ZNF646: variants seen among roughly 807,000 people sequenced by gnomAD.
The protein encoded by ZNF646 is zinc finger protein 646.
A neutral mutation model predicts 115.4 loss-of-function variants in ZNF646; 49 were observed. That is an observed-to-expected ratio of 0.42 (90% CI 0.34 to 0.54). ZNF646 has a LOEUF of 0.54. ZNF646 is among the 20% of genes least tolerant of loss of function. The pLI, the probability that ZNF646 is intolerant of heterozygous loss-of-function variation, is 0.04. For missense variants in ZNF646, 2,269 were observed against 2,457.9 expected (o/e 0.92, Z 1.62); for synonymous variants, 933 against 939.0 (o/e 0.99, Z 0.12).
rs765730146 is a variant in ZNF646 at position 31,076,578 on chromosome 16, C to T, written c.254C>T (p.Ser85Phe). The change falls in exon 2 of 3, where the codon TCC becomes TTC. Residue 85 changes from serine to phenylalanine, a missense_variant. Physicochemically the swap from Ser to Phe is radical, Grantham distance 155. Transcript: ENST00000300850. ...FPCTTCGKDF[S>F]NPMALKSHMR... ...TGTACCACCTGTGGCAAGGACTTCT[C>T]CAATCCCATGGCTCTCAAGAGCCAT... The T allele has an allele frequency of 2.5e-6, 4 of 1,612,468 alleles. No individual in the cohort carries two copies. Among genetic ancestry groups the T allele is most frequent in the Admixed American group, 3.3e-5 (2 of 59,958 alleles).
At position 31,079,748 on chromosome 16, in the gene ZNF646, G is replaced by A. The variant is rs748704096; in HGVS notation, c.3424G>A (p.Glu1142Lys). Residue 1142 changes from glutamate to lysine, a missense_variant, in exon 2 of 3, where the codon GAG becomes AAG. By Grantham distance (56) the Glu-to-Lys change is moderately conservative (BLOSUM62 1). Coordinates refer to ENST00000300850, the MANE Select transcript of ZNF646 (RefSeq NM_014699.4). The surrounding 1 kb of genome is among the most constrained non-coding windows in gnomAD (Gnocchi z 5.5). ...GSNKPQHMAEEGPGQAEVEKL... is the reference protein window; with the variant it reads ...GSNKPQHMAEKGPGQAEVEKL... ...CAACAAGCCCCAGCACATGGCAGAG[G>A]AGGGGCCGGGGCAAGCAGAAGTCGA... 6.2e-6 allele frequency: 10 copies of A among 1,613,522 alleles called. No homozygotes were observed. The highest frequency in any genetic ancestry group is 8.5e-6 in the Non-Finnish European group (10 of 1,179,996).
chr16:31,080,644 T>G lies in ZNF646; in HGVS notation c.4320T>G (p.Ser1440Arg), dbSNP rs200557895. The G allele has an allele frequency of 4.3e-5, 70 of 1,613,838 alleles. No homozygotes were observed. Among genetic ancestry groups the G allele is most frequent in the African/African-American group, 4.0e-5 (3 of 74,892 alleles). The change falls in exon 2 of 3, where the codon AGT (serine) becomes AGG (arginine). Residue 1440 changes from serine to arginine, a missense_variant. Around this residue, in one of 5 missense-constraint regions of ZNF646, gnomAD observed 1,062 missense variants for 1,172.8 expected, o/e 0.91. Transcript: ENST00000300850. ...EDGVPRPGERSQSPIRAASSE... is the reference protein window; with the variant it reads ...EDGVPRPGERRQSPIRAASSE... ...GAGTCCCAAGGCCAGGGGAGCGCAGTCAGAGCCCCATCAGGGCAGCAAGCT... is the reference window on the plus strand; with the variant it reads ...GAGTCCCAAGGCCAGGGGAGCGCAGGCAGAGCCCCATCAGGGCAGCAAGCT...
chr16:31,080,110 G>A lies in ZNF646; in HGVS notation c.3786G>A (p.Glu1262=), dbSNP rs1168759799. Residue 1262 remains glutamate, a synonymous_variant, in exon 2 of 3, where the codon GAG becomes GAA. Coordinates refer to ENST00000300850, the MANE Select transcript of ZNF646 (RefSeq NM_014699.4). ...ATCCCCGACGTTTCCGCTGCAGCGAGTGTGGGAAGGCCTTCCGCCTGCGGA... is the reference window on the plus strand; with the variant it reads ...ATCCCCGACGTTTCCGCTGCAGCGAATGTGGGAAGGCCTTCCGCCTGCGGA... The part of the protein sequence containing the change: ...HADPRRFRCS[E]CGKAFRLRKQ... The A allele has an allele frequency of 6.2e-7, 1 of 1,613,176 alleles. No homozygotes were observed. Among genetic ancestry groups the A allele is most frequent in the African/African-American group, 1.3e-5 (1 of 75,052 alleles).
chr16:31,077,112 T>C lies in ZNF646; in HGVS notation c.788T>C (p.Leu263Pro), dbSNP rs2057087594. The C allele has an allele frequency of 6.2e-7, 1 of 1,614,036 alleles. No individual in the cohort carries two copies. The highest frequency in any genetic ancestry group is 8.5e-7 in the Non-Finnish European group (1 of 1,180,036). ...ACCAACCACCGCCAGAGCCACACGC[T>C]GGGCATCTACCCCTGTGCCATCTGT... is the stretch of plus-strand genomic sequence containing the variant. The part of the protein sequence containing the change: ...SLTNHRQSHT[L>P]GIYPCAICFK... Residue 263 changes from leucine (L) to proline (P), a missense_variant, in exon 2 of 3, where the codon CTG becomes CCG. Leu to Pro is a moderately conservative substitution (Grantham distance 98). This residue lies in a region of ZNF646 where 19 missense variants were observed against 44.9 expected (regional missense o/e 0.42). Coordinates refer to ENST00000300850, the MANE Select transcript of ZNF646 (RefSeq NM_014699.4).
At chr16:31,073,314 G>A (rs2057031947), upstream of ZNF646, 1 of 152,604 alleles carries the variant, frequency 6.6e-6, no homozygotes, top group Admixed American at 6.5e-5. Flanking sequence ...GCAGGGGAGG[G>A]GGCCGCCGGC....
At position 31,080,236 on chromosome 16, in the gene ZNF646, C is replaced by T. The variant is rs561800929; in HGVS notation, c.3912C>T (p.Cys1304=). 227 of 1,610,472 alleles carry T rather than the reference C, an allele frequency of 1.4e-4. 2 individuals carry two copies. In the South Asian group the frequency reaches 2.3e-3, roughly 16 times the overall value. The stretch of plus-strand genomic sequence containing the variant: ...ATCGGCCCTTCCGCTGTGGGCAGTG[C>T]GGGCGGACCTATCGCCACGCCGGCA... ...REDRPFRCGQ[C]GRTYRHAGSL... is the part of the protein sequence containing the mutation. The change falls in exon 2 of 3, where the codon TGC becomes TGT. Residue 1304 remains cysteine (C), a synonymous_variant. Coordinates refer to ENST00000300850, the MANE Select transcript of ZNF646 (RefSeq NM_014699.4).
In ZNF646 at chr16:31,079,275, C is replaced by T. The variant is rs746843535; in HGVS notation, c.2951C>T (p.Thr984Ile). 9 of 1,613,884 alleles carry T rather than the reference C, an allele frequency of 5.6e-6. No individual in the cohort carries two copies. Among genetic ancestry groups the T allele is most frequent in the African/African-American group, 1.3e-5 (1 of 75,066 alleles). Residue 984 changes from threonine (T) to isoleucine (I), a missense_variant, in exon 2 of 3, where the codon ACT becomes ATT. Thr to Ile is a moderately conservative substitution (Grantham distance 89, BLOSUM62 -1). Coordinates refer to ENST00000300850, the MANE Select transcript of ZNF646 (RefSeq NM_014699.4). The surrounding 1 kb of genome is among the most constrained non-coding windows in gnomAD (Gnocchi z 5.5). ...ERHHQSQSSGTTADKAPSPLG... is the reference protein window; with the variant it reads ...ERHHQSQSSGITADKAPSPLG... ...CACCACCAAAGTCAGAGTTCTGGGA[C>T]TACTGCAGACAAGGCTCCCAGCCCC...
intron 1 of ZNF646, 73 bp downstream of exon 1, chr16:31,074,704 G>C (rs558622445): frequency 6.6e-6 from 1 of 152,268 alleles, no homozygotes; most frequent in Non-Finnish European, 1.5e-5. Flanking sequence ...GGAAGGAGAG[G>C]GGGCCGCCGG....
intron 2 of ZNF646, chr16:31,082,598 C>T: frequency 3.9e-6 from 1 of 257,628 alleles, no homozygotes. Flanking sequence ...GCGGCCGGTT[C>T]CCTCAGCAGG....
rs768498195 is a variant in ZNF646, at chr16:31,079,801, G to A, written c.3477G>A (p.Glu1159=). ...AGCTCCAGGAAGAACTTAAAGTGGA[G>A]CCCCTGGAGGAAGTGGCCAGGGTGA... The part of the protein sequence containing the change: ...VEKLQEELKV[E]PLEEVARVKE... Residue 1159 remains glutamate (E), a synonymous_variant, in exon 2 of 3, where the codon GAG becomes GAA. Transcript: ENST00000300850. The surrounding 1 kb of genome is among the most constrained non-coding windows in gnomAD (Gnocchi z 5.5). 2 of 1,613,742 alleles carry A rather than the reference G, an allele frequency of 1.2e-6. No homozygotes were observed. Among genetic ancestry groups the A allele is most frequent in the East Asian group, 2.2e-5 (1 of 44,874 alleles).
Position 31,076,729 on chromosome 16 carries a change from A to G in ZNF646, c.405A>G (p.Glu135=), listed in dbSNP as rs148494329. Residue 135 remains glutamate (E), a synonymous_variant, in exon 2 of 3, where the codon GAA becomes GAG. Transcript: ENST00000300850. ...DSWGQRLGSS[E]GWENQTKHTE... The stretch of plus-strand genomic sequence containing the variant: ...GGGGCCAAAGGCTTGGCTCTAGTGA[A>G]GGCTGGGAAAACCAGACAAAACATA... 135 of 1,613,706 alleles carry G rather than the reference A, an allele frequency of 8.4e-5. No homozygotes were observed. The East Asian group carries it at 2.5e-3, about 30-fold the overall frequency.
rs765845893 is a variant in ZNF646 at position 31,080,057 on chromosome 16, C to T, written c.3733C>T (p.Leu1245Phe). 89 of 1,611,976 alleles carry T rather than the reference C, an allele frequency of 5.5e-5. 1 individual carries two copies. The East Asian group carries it at 1.8e-3, about 33-fold the overall frequency. The change falls in exon 2 of 3, where the codon CTC becomes TTC. Residue 1245 changes from leucine (L) to phenylalanine (F), a missense_variant. Physicochemically the swap from Leu to Phe is conservative, Grantham distance 22. Around this residue, in one of 5 missense-constraint regions of ZNF646, gnomAD observed 1,062 missense variants for 1,172.8 expected, o/e 0.91. Coordinates refer to ENST00000300850, the MANE Select transcript of ZNF646 (RefSeq NM_014699.4). The stretch of plus-strand genomic sequence containing the variant: ...CAAGGGCTTCTCAAACCTCATGTCC[C>T]TCAAGAACCACCGGCGCATCCATGC... ...CSKGFSNLMSLKNHRRIHADP... is the reference protein window; with the variant it reads ...CSKGFSNLMSFKNHRRIHADP...
chr16:31,083,844 T>C lies in ZNF646; in HGVS notation c.*752T>C. On this transcript the variant is annotated 3_prime_UTR_variant, in exon 3 of 3. Coordinates refer to ENST00000300850, the MANE Select transcript of ZNF646 (RefSeq NM_014699.4). ...AGGAAGGAGGGTGGAGTTGTCCTCA[T>C]CCTCACGGCTTTGGTCCCTCCCTCC... The C allele has an allele frequency of 6.2e-7, 1 of 1,613,922 alleles. No homozygotes were observed. The highest frequency in any genetic ancestry group is 8.5e-7 in the Non-Finnish European group (1 of 1,179,842).
At position 31,078,688 on chromosome 16, in the gene ZNF646, C is replaced by T. The variant is rs1596771576; in HGVS notation, c.2364C>T (p.Leu788=). 4 of 1,614,154 alleles carry T rather than the reference C, an allele frequency of 2.5e-6. No homozygotes were observed. The East Asian group carries it at 8.9e-5, about 36-fold the overall frequency. Reference sequence around the variant, plus strand: ...GTGGCACTCACTTCTGCGATAGCCTCACTGGGGTGGATGAAGACCAGAAGC... The same window carrying T: ...GTGGCACTCACTTCTGCGATAGCCTTACTGGGGTGGATGAAGACCAGAAGC... ...EGGGTHFCDS[L]TGVDEDQKPA... is the part of the protein sequence containing the mutation. The change falls in exon 2 of 3, where the codon CTC becomes CTT. Residue 788 remains leucine, a synonymous_variant. Transcript: ENST00000300850.
In ZNF646 at chr16:31,084,096, CAGG is replaced by C; in HGVS notation, c.*1008_*1010del. 6.4e-7 allele frequency: 1 copy of C among 1,553,698 alleles called. No individual in the cohort carries two copies. Among genetic ancestry groups the C allele is most frequent in the Non-Finnish European group, 8.7e-7 (1 of 1,149,136 alleles). ...AGGGTCCTGGAGAGGCAGGGTTTGGCAGGAGGCCCCGGGGCCACATACTTATGT... is the reference window on the plus strand; with the variant it reads ...AGGGTCCTGGAGAGGCAGGGTTTGGCAGGCCCCGGGGCCACATACTTATGT... On this transcript the variant is annotated 3_prime_UTR_variant, in exon 3 of 3. Transcript: ENST00000300850.
chr16:31,079,229 G>C lies in ZNF646; in HGVS notation c.2905G>C (p.Asp969His). ...ICGCCGQTYD[D>H]LGSLERHHQS... Reference sequence around the variant, plus strand: ...TGGCTGCTGTGGTCAGACCTACGATGACCTGGGGAGCCTGGAGCGTCACCA... The same window carrying C: ...TGGCTGCTGTGGTCAGACCTACGATCACCTGGGGAGCCTGGAGCGTCACCA... The change falls in exon 2 of 3, where the codon GAC becomes CAC. Residue 969 changes from aspartate (D) to histidine (H), a missense_variant. Physicochemically the swap from Asp to His is moderately conservative, Grantham distance 81. Transcript: ENST00000300850. This position sits in a 1 kb window ranked among gnomAD's most constrained non-coding sequence, Gnocchi z 5.5. The C allele has an allele frequency of 6.2e-7, 1 of 1,613,714 alleles. No individual in the cohort carries two copies. The highest frequency in any genetic ancestry group is 8.5e-7 in the Non-Finnish European group (1 of 1,180,034).
Position 31,083,536 on chromosome 16 carries a change from A to C in ZNF646, c.*444A>C, listed in dbSNP as rs1400175884. 2 of 1,393,584 alleles carry C rather than the reference A, an allele frequency of 1.4e-6. No individual in the cohort carries two copies. Among genetic ancestry groups the C allele is most frequent in the East Asian group, 2.8e-5 (1 of 36,064 alleles). 86.3% of individuals were successfully genotyped at this position (1,393,584 alleles called of 1,614,324 possible). On this transcript the variant is annotated 3_prime_UTR_variant, in exon 3 of 3. Coordinates refer to ENST00000300850, the MANE Select transcript of ZNF646 (RefSeq NM_014699.4). The stretch of plus-strand genomic sequence containing the variant: ...AACGTGGCTGGCGTGATTGTATCTG[A>C]AAGGGTAAAGGAGGAGGAAAGCTGA...
chr16:31,077,056 T>C lies in ZNF646; in HGVS notation c.732T>C (p.Cys244=), dbSNP rs756720894. 1 of 1,614,008 alleles carries C rather than the reference T, an allele frequency of 6.2e-7. No individual in the cohort carries two copies. The highest frequency in any genetic ancestry group is 8.5e-7 in the Non-Finnish European group (1 of 1,179,958). Residue 244 remains cysteine (C), a synonymous_variant, in exon 2 of 3, where the codon TGT becomes TGC. Coordinates refer to ENST00000300850, the MANE Select transcript of ZNF646 (RefSeq NM_014699.4). ...EEERRYKCSQ[C]GKTYKHAGSL... is the part of the protein sequence containing the mutation. ...AGCGGCGGTACAAATGTAGTCAGTGTGGCAAGACCTACAAGCACGCCGGGA... is the reference window on the plus strand; with the variant it reads ...AGCGGCGGTACAAATGTAGTCAGTGCGGCAAGACCTACAAGCACGCCGGGA...
At position 31,077,726 on chromosome 16, in the gene ZNF646, A is replaced by C; in HGVS notation, c.1402A>C (p.Ser468Arg). 6.2e-7 allele frequency: 1 copy of C among 1,614,064 alleles called. No individual in the cohort carries two copies. The highest frequency in any genetic ancestry group is 8.5e-7 in the Non-Finnish European group (1 of 1,180,016). Reference protein sequence around the residue: ...TTLDHRPYKCSECGRAYRHRG... With the variant: ...TTLDHRPYKCRECGRAYRHRG... The stretch of plus-strand genomic sequence containing the variant: ...CCTGGACCATCGGCCCTATAAGTGC[A>C]GTGAGTGTGGTCGTGCTTACCGCCA... The change falls in exon 2 of 3, where the codon AGT becomes CGT. Residue 468 changes from serine (S) to arginine (R), a missense_variant. Transcript: ENST00000300850.
Sources: gnomAD v4.1 joint callset for allele counts on GRCh38, gnomAD v4.1.1 for gene constraint, gnomAD v4.1.1 regional missense constraint, Gnocchi (gnomAD v3.1) non-coding constraint, MANE v1.5 for transcripts, NCBI Gene and HGNC (gene_info 2026-07-23, HGNC 2026-07-21) for gene names.